The following MLLT10 variants were observed in gnomAD, a reference collection of about 807,000 sequenced individuals.
MLLT10 encodes MLLT10 histone lysine methyltransferase DOT1L cofactor.
A neutral mutation model predicts 129.1 loss-of-function variants in MLLT10; 30 were observed. The ratio of observed to expected loss-of-function variants is 0.23; its 90% CI spans 0.17 to 0.32. MLLT10 has a LOEUF of 0.32. MLLT10 is among the 10% of genes least tolerant of loss of function. The pLI is 1.00. For synonymous variants in MLLT10, 490 were observed against 446.4 expected (o/e 1.10, Z -1.23); for missense variants, 1,119 against 1,268.3 (o/e 0.88, Z 1.79).
intron 9 of MLLT10, among the ~76,000 whole-genome samples, chr10:21,659,532 AC>A (rs1417269421): frequency 7.0e-6 from 1 of 143,606 alleles, no homozygotes; most frequent in African/African-American, 2.6e-5. Flanking sequence ...TTTTTTTGAG[AC>A]GGATTCTCGC....
intron 13 of MLLT10, among the ~76,000 whole-genome samples, chr10:21,682,495 T>C (rs532755402): frequency 6.6e-6 from 1 of 152,186 alleles, no homozygotes; most frequent in Non-Finnish European, 1.5e-5. Context: ...ATGATAATAG[T>C]GTTTTAAGTT....
At chr10:21,627,911 A>C (rs2046618265) in intron 8 of MLLT10, among the ~76,000 whole-genome samples, 1 of 152,212 alleles carries the variant, frequency 6.6e-6, no homozygotes. Context: ...AAATTATGCA[A>C]CTCATTAAAT....
intron 13 of MLLT10, chr10:21,708,466 A>G: frequency 1.6e-6 from 1 of 617,892 alleles, no homozygotes; most frequent in Non-Finnish European, 2.0e-6. Flanking sequence ...GGAGCAAGGA[A>G]GTTGAAGGGA....
intron 7 of MLLT10, among the ~76,000 whole-genome samples, chr10:21,615,801 G>C (rs1435784767): frequency 2.0e-5 from 3 of 152,124 alleles, no homozygotes; most frequent in African/African-American, 4.8e-5. Flanking sequence ...TGTCACACAG[G>C]ATCATGGTGA....
At chr10:21,703,511 C>T (rs1234744754) in intron 13 of MLLT10, among the ~76,000 whole-genome samples, 2 of 152,088 alleles carry the variant, frequency 1.3e-5, no homozygotes, top group Non-Finnish European at 2.9e-5. Context: ...TTAGAGCCTC[C>T]TCTATCTGGA....
chr10:21,682,352 T>C, intron 13 of MLLT10, 95 bp downstream of exon 13: 1 of 1,231,482 alleles, frequency 8.1e-7, no homozygotes, highest in South Asian at 1.4e-5. Context: ...TTCTATTGAT[T>C]AGATGAAATC....
intron 8 of MLLT10, among the ~76,000 whole-genome samples, chr10:21,644,440 G>A (rs969095712): frequency 1.3e-5 from 2 of 152,064 alleles, no homozygotes; most frequent in African/African-American, 4.8e-5. Context: ...AATGAGGGGT[G>A]CAGTATAGAA....
chr10:21,580,641 C>T (rs1183984326), intron 3 of MLLT10, among the ~76,000 whole-genome samples: 3 of 151,520 alleles, frequency 2.0e-5, no homozygotes, highest in East Asian at 2.0e-4. Flanking sequence ...CTGCCTGCCT[C>T]GGCCTCCCAA....
chr10:21,538,718 A>G, intron 2 of MLLT10, 115 bp from the exon 3 acceptor site: 1 of 679,682 alleles, frequency 1.5e-6, no homozygotes, highest in Non-Finnish European at 2.6e-6. Flanking sequence ...ACTTCTCTGT[A>G]AAGAGGTAGT....
At chr10:21,547,562 C>T (rs1420920034) in intron 3 of MLLT10, among the ~76,000 whole-genome samples, 1 of 151,650 alleles carries the variant, frequency 6.6e-6, no homozygotes, top group Non-Finnish European at 1.5e-5. Flanking sequence ...TCACTGTCAC[C>T]CAGGCTGGAG....
intron 14 of MLLT10, among the ~76,000 whole-genome samples, chr10:21,720,391 T>A (rs1327022399): frequency 6.6e-6 from 1 of 152,212 alleles, no homozygotes; most frequent in Non-Finnish European, 1.5e-5. Context: ...TTACTGGCGG[T>A]AGCTGACACA....
intron 6 of MLLT10, among the ~76,000 whole-genome samples, chr10:21,613,192 C>CAAAAAAAAAAAAA (rs993493277): frequency 4.1e-5 from 1 of 24,642 alleles, no homozygotes; most frequent in Non-Finnish European, 8.7e-5. Context: ...GACTCTGTCT[C>CAAAAAAAAAAAAA]AAAAAAAAAA....
chr10:21,548,773 A>G (rs1304668136), intron 3 of MLLT10, among the ~76,000 whole-genome samples: 1 of 151,746 alleles, frequency 6.6e-6, no homozygotes, highest in Admixed American at 6.6e-5. Flanking sequence ...AAATTTCTAG[A>G]ATTTTTGTGT....
At chr10:21,719,722 C>CT (rs756503369) in intron 14 of MLLT10, among the ~76,000 whole-genome samples, 21 of 152,206 alleles carry the variant, frequency 1.4e-4, no homozygotes, top group Admixed American at 5.9e-4. Flanking sequence ...AATGGGAATA[C>CT]TTTAAGTACC....
chr10:21,562,349 T>G (rs562592095), intron 3 of MLLT10, among the ~76,000 whole-genome samples: 1 of 150,022 alleles, frequency 6.7e-6, no homozygotes, highest in African/African-American at 2.5e-5. Context: ...TTATTTATTT[T>G]TTTTTGAGAC....
intron 8 of MLLT10, chr10:21,625,510 A>C (rs1410663347): frequency 1.1e-6 from 1 of 926,466 alleles, no homozygotes; most frequent in African/African-American, 1.6e-5. Flanking sequence ...ATTTCCCCAT[A>C]CTTTTACTTT....
intron 13 of MLLT10, among the ~76,000 whole-genome samples, chr10:21,702,886 G>A (rs1233915349): frequency 6.6e-6 from 1 of 152,070 alleles, no homozygotes; most frequent in East Asian, 1.9e-4. Context: ...TCACCTAGTT[G>A]ATATCTTGTA....
Position 21,690,263 on chromosome 10 carries a change from A to G in MLLT10, c.1699+8006A>G, listed in dbSNP as rs115008336. ...AAGAATCTGGAGCAGATGGGAAGAGATCAAGTGAACATGTAGAAAAATTAA... is the reference window on the plus strand; with the variant it reads ...AAGAATCTGGAGCAGATGGGAAGAGGTCAAGTGAACATGTAGAAAAATTAA... On this transcript the variant is annotated intron_variant, in intron 13 of 22. Transcript: ENST00000307729. Among the ~76,000 whole-genome samples the G allele has an allele frequency of 5.6e-3, 852 of 152,236 alleles. 5 individuals carry two copies. Among genetic ancestry groups the G allele is most frequent in the African/African-American group, 0.019 (795 of 41,564 alleles).
chr10:21,692,044 C>G (rs1043204910), intron 13 of MLLT10, among the ~76,000 whole-genome samples: 1 of 147,696 alleles, frequency 6.8e-6, no homozygotes, highest in Non-Finnish European at 1.5e-5. Flanking sequence ...GGGGTGGTGG[C>G]ACGTCTGTAA....
Sources: gnomAD v4.1 joint callset for allele counts (sites outside exome capture counted in the v4.1 genomes callset) on GRCh38, gnomAD v4.1.1 for gene constraint, MANE v1.5 for transcripts, NCBI Gene and HGNC (gene_info 2026-07-23, HGNC 2026-07-21) for gene names.